Variants in FBXL20 observed in about 807,000 individuals in gnomAD.
The protein encoded by FBXL20 is F-box and leucine rich repeat protein 20, also known as F-box/LRR-repeat protein 20.
In FBXL20, 11 loss-of-function variants were observed where a neutral mutation model predicts 64.0. The observed-to-expected ratio is 0.17, with a 90% CI of 0.11 to 0.28. The LOEUF is 0.28. Among genes scored for constraint, FBXL20 ranks in the 10% least tolerant of loss-of-function variants. The pLI, the probability that FBXL20 is intolerant of heterozygous loss-of-function variation, is 1.00. For missense variants in FBXL20, 303 were observed against 526.2 expected (o/e 0.58, Z 4.15); for synonymous variants, 184 against 189.0 (o/e 0.97, Z 0.22).
upstream of FBXL20, chr17:39,401,918 T>C: frequency 2.4e-6 from 1 of 412,934 alleles, no homozygotes; most frequent in Non-Finnish European, 4.0e-6. Flanking sequence ...GAAAAGGGGG[T>C]CTGTGGGGCG....
chr17:39,335,110 T>A (rs2047507709), intron 2 of FBXL20, among the ~76,000 whole-genome samples: 1 of 152,180 alleles, frequency 6.6e-6, no homozygotes, highest in African/African-American at 2.4e-5. Flanking sequence ...TCTCTAGCTG[T>A]GCAGCTGCAA....
intron 2 of FBXL20, among the ~76,000 whole-genome samples, chr17:39,340,909 A>T (rs2047576229): frequency 6.6e-6 from 1 of 151,790 alleles, no homozygotes; most frequent in Non-Finnish European, 1.5e-5. Context: ...AATTTATTAA[A>T]ATTTGTGCTG....
chr17:39,368,572 T>C (rs923883785), intron 1 of FBXL20, among the ~76,000 whole-genome samples: 3 of 152,178 alleles, frequency 2.0e-5, no homozygotes, highest in African/African-American at 4.8e-5. Context: ...TACTTGCTTC[T>C]CCCTGACAAG....
Position 39,361,499 on chromosome 17 carries a change from CAAG to C in FBXL20, c.43-18261_43-18259del, listed in dbSNP as rs1284957746. 1.2e-4 allele frequency among the ~76,000 whole-genome samples: 19 copies of C among 152,040 alleles called. 1 individual carries two copies. Among genetic ancestry groups the C allele is most frequent in the Admixed American group, 1.2e-3 (19 of 15,244 alleles). On this transcript the variant is annotated intron_variant, in intron 1 of 14. Coordinates refer to ENST00000264658, the MANE Select transcript of FBXL20 (RefSeq NM_032875.3). The stretch of plus-strand genomic sequence containing the variant: ...TCTGGAGCCCAGAAGCTTCTCAAAA[CAAG>C]AAGAAATGTTTTTGGTCAGGCAGGG...
At chr17:39,401,942 G>A, upstream of FBXL20, 1 of 430,592 alleles carries the variant, frequency 2.3e-6, no homozygotes. Flanking sequence ...GCGAGTGCGC[G>A]CGTGCTCGCG....
At chr17:39,311,862 C>G (rs577441513) in intron 2 of FBXL20, among the ~76,000 whole-genome samples, 1 of 152,200 alleles carries the variant, frequency 6.6e-6, no homozygotes, top group Non-Finnish European at 1.5e-5. Flanking sequence ...ACTTTAGTAA[C>G]CTTTCAAGAG....
intron 1 of FBXL20, among the ~76,000 whole-genome samples, chr17:39,346,233 G>A (rs2047631201): frequency 6.6e-6 from 1 of 152,020 alleles, no homozygotes; most frequent in South Asian, 2.1e-4. Context: ...TATTTGGTGG[G>A]GGGGTGCTGG....
intron 1 of FBXL20, among the ~76,000 whole-genome samples, chr17:39,396,678 G>A (rs1001603114): frequency 4.6e-5 from 7 of 151,800 alleles, no homozygotes; most frequent in African/African-American, 1.5e-4. Context: ...AGGTCTTGCC[G>A]GGCGTGGTGG....
chr17:39,328,248 CAAAAAAAAAAAAAAAAA>C (rs141259755), intron 2 of FBXL20, among the ~76,000 whole-genome samples: 5 of 55,092 alleles, frequency 9.1e-5, no homozygotes, highest in African/African-American at 4.2e-4. Context: ...AACTCTGCCT[CAAAAAAAAAAAAAAAAA>C]AAAAAAAAAA....
chr17:39,298,422 C>A (rs984435331), intron 5 of FBXL20, among the ~76,000 whole-genome samples: 1 of 151,990 alleles, frequency 6.6e-6, no homozygotes, highest in African/African-American at 2.4e-5. Context: ...TAACCATAAC[C>A]CTAAAAAAGA....
intron 1 of FBXL20, among the ~76,000 whole-genome samples, chr17:39,372,978 GATTAA>G (rs1250533490): frequency 1.3e-5 from 2 of 151,784 alleles, no homozygotes; most frequent in East Asian, 1.9e-4. Flanking sequence ...TCAAATGCTT[GATTAA>G]ATTAGACTAC....
chr17:39,336,920 C>T (rs1331906364), intron 2 of FBXL20, among the ~76,000 whole-genome samples: 1 of 152,004 alleles, frequency 6.6e-6, no homozygotes, highest in African/African-American at 2.4e-5. Flanking sequence ...CATATAACAT[C>T]ATGGATGTTA....
At chr17:39,315,418 A>C (rs889107695) in intron 2 of FBXL20, among the ~76,000 whole-genome samples, 1 of 104,688 alleles carries the variant, frequency 9.6e-6, no homozygotes, top group Non-Finnish European at 1.9e-5. Flanking sequence ...TATATAGTAC[A>C]TGTCTTTAAA....
intron 2 of FBXL20, among the ~76,000 whole-genome samples, chr17:39,330,287 ACT>A (rs978002958): frequency 6.6e-6 from 1 of 150,776 alleles, no homozygotes; most frequent in African/African-American, 2.4e-5. Flanking sequence ...ACAGAGCAAG[ACT>A]CTGTCTCAAA....
intron 1 of FBXL20, among the ~76,000 whole-genome samples, chr17:39,356,381 G>C (rs368492875): frequency 3.6e-4 from 55 of 152,044 alleles, no homozygotes; most frequent in African/African-American, 1.3e-3. Flanking sequence ...TTTGAGACAG[G>C]GTTTCACTCT....
chr17:39,293,710 T>C (rs2047060944), intron 6 of FBXL20, among the ~76,000 whole-genome samples: 1 of 152,148 alleles, frequency 6.6e-6, no homozygotes. Context: ...CTTTGGCTTA[T>C]AGTTTCCCAG....
At chr17:39,334,179 C>G (rs997151581) in intron 2 of FBXL20, among the ~76,000 whole-genome samples, 2 of 152,032 alleles carry the variant, frequency 1.3e-5, no homozygotes, top group Non-Finnish European at 2.9e-5. Flanking sequence ...CCCCCAACCC[C>G]GTGCTCTCTG....
At chr17:39,278,203 T>C (rs1673274094) in intron 9 of FBXL20, among the ~76,000 whole-genome samples, 1 of 152,210 alleles carries the variant, frequency 6.6e-6, no homozygotes, top group African/African-American at 2.4e-5. Context: ...TGGAGTGCAG[T>C]GGCGTGCTCT....
At chr17:39,402,070 C>G, upstream of FBXL20, 1 of 1,052,144 alleles carries the variant, frequency 9.5e-7, no homozygotes, top group Non-Finnish European at 1.2e-6. Flanking sequence ...CACAGAACCT[C>G]AGCCTCTGCC....
Sources: allele counts gnomAD v4.1 joint callset (sites outside exome capture counted in the v4.1 genomes callset), GRCh38; gene constraint gnomAD v4.1.1; transcripts MANE v1.5; gene names NCBI Gene and HGNC (gene_info 2026-07-23, HGNC 2026-07-21).